ZNF471: variants seen among roughly 807,000 people sequenced by gnomAD.
ZNF471 encodes the protein EZFIT-related protein 1.
ZNF471 carries 7 observed loss-of-function variants against 13.7 expected under a neutral mutation model. The observed-to-expected ratio is 0.51, with a 90% CI of 0.29 to 0.96. ZNF471 has a LOEUF of 0.96. Among genes scored for constraint, ZNF471 ranks in the 40% least tolerant of loss-of-function variants. The pLI is 0.08. For missense variants in ZNF471, 663 were observed against 743.3 expected, an observed-to-expected ratio of 0.89 and a Z score of 1.26; for synonymous variants, 218 against 235.6, an observed-to-expected ratio of 0.93 and a Z score of 0.68.
rs1215384164 is a variant in ZNF471, at chr19:56,524,925, A to T, written c.858A>T (p.Gly286=). ...TTCAGCATCAAAGAATTCATACTGG[A>T]GAAAAACCATATAAATGTAAGGAAT... is the stretch of plus-strand genomic sequence containing the variant. ...HLIQHQRIHT[G]EKPYKCKECR... is the part of the protein sequence containing the mutation. Residue 286 remains glycine (G), a synonymous_variant, in exon 5 of 5, where the codon GGA becomes GGT. Transcript: ENST00000308031. The surrounding 1 kb of genome is among the most constrained non-coding windows in gnomAD (Gnocchi z 4.8). The T allele has an allele frequency of 6.2e-7, 1 of 1,613,868 alleles. No individual in the cohort carries two copies. Among genetic ancestry groups the T allele is most frequent in the East Asian group, 2.2e-5 (1 of 44,888 alleles).
chr19:56,518,346 T>C, intron 3 of ZNF471, 136 bp from the exon 4 acceptor site: 2 of 661,152 alleles, frequency 3.0e-6, no homozygotes, highest in South Asian at 3.7e-5. Flanking sequence ...GAGTTTTATG[T>C]AGTCTGTCCT....
chr19:56,518,654 C>A, intron 4 of ZNF471, 77 bp downstream of exon 4: 1 of 1,208,248 alleles, frequency 8.3e-7, no homozygotes, highest in Non-Finnish European at 1.2e-6. Context: ...TACCTTCTCA[C>A]TTATGCATCT....
At chr19:56,518,770 A>G (rs2043928826) in intron 4 of ZNF471, among the ~76,000 whole-genome samples, 193 bp downstream of exon 4, 1 of 152,192 alleles carries the variant, frequency 6.6e-6, no homozygotes, top group Non-Finnish European at 1.5e-5. Context: ...CTTCTCTCTA[A>G]GAACTAATAT....
At chr19:56,511,368 A>C in intron 1 of ZNF471, 149 bp from the exon 2 acceptor site, 1 of 544,332 alleles carries the variant, frequency 1.8e-6, no homozygotes, top group East Asian at 3.2e-5. Context: ...AAAAACCGTT[A>C]TGAGTTTTAG....
chr19:56,508,343 G>C lies in ZNF471; in HGVS notation c.-56+423G>C, dbSNP rs1259903816. Among the ~76,000 whole-genome samples the C allele has an allele frequency of 6.6e-6, 1 of 151,390 alleles. No homozygotes were observed. The highest frequency in any genetic ancestry group is 2.4e-5 in the African/African-American group (1 of 41,214). ...GTGAGAGACCAGTGAGTGTGAGAGA[G>C]ATAGGGATGTGCCTGCATTTGAAAG... On this transcript the variant is annotated intron_variant, in intron 1 of 4. Transcript: ENST00000308031. The surrounding 1 kb of genome is among the most constrained non-coding windows in gnomAD (Gnocchi z 4.7).
rs959541762 is a variant in ZNF471 at position 56,508,262 on chromosome 19, A to G, written c.-56+342A>G. 1.2e-6 allele frequency: 1 copy of G among 816,130 alleles called. No homozygotes were observed. Among genetic ancestry groups the G allele is most frequent in the Non-Finnish European group, 1.5e-6 (1 of 681,488 alleles). 50.6% of individuals were successfully genotyped at this position (816,130 alleles called of 1,614,324 possible). A position where few individuals can be genotyped will look rare whatever the true frequency, so the allele number is the denominator to read the frequency against. ...GTGTGTGTGTGTGTGTGACAGACCG[A>G]GAGTCCAGTGTGAGACCAGGGTATG... On this transcript the variant is annotated intron_variant, in intron 1 of 4. Coordinates refer to ENST00000308031, the MANE Select transcript of ZNF471 (RefSeq NM_020813.4). The surrounding 1 kb of genome is among the most constrained non-coding windows in gnomAD (Gnocchi z 4.7).
At position 56,508,132 on chromosome 19, in the gene ZNF471, G is replaced by A. The variant is rs970118298; in HGVS notation, c.-56+212G>A. The A allele has an allele frequency of 1.8e-5, 18 of 985,342 alleles. No individual in the cohort carries two copies. The highest frequency in any genetic ancestry group is 3.6e-6 in the Non-Finnish European group (3 of 829,940). The allele number at this position is 985,342 out of a possible 1,614,324, so 61.0% of individuals were successfully genotyped here. ...TGCTGGGCGTTCGGGGCGGCTTGGG[G>A]CGGCGGGACCACTGGAGTGAGCTGT... is the stretch of plus-strand genomic sequence containing the variant. On this transcript the variant is annotated intron_variant, in intron 1 of 4. Coordinates refer to ENST00000308031, the MANE Select transcript of ZNF471 (RefSeq NM_020813.4). This position sits in a 1 kb window ranked among gnomAD's most constrained non-coding sequence, Gnocchi z 4.7.
At chr19:56,514,001 T>C (rs2147908462) in intron 2 of ZNF471, among the ~76,000 whole-genome samples, 1 of 152,082 alleles carries the variant, frequency 6.6e-6, no homozygotes, top group African/African-American at 2.4e-5. Context: ...ATTGATATGT[T>C]ATTAGTAACT....
intron 2 of ZNF471, 124 bp downstream of exon 2, chr19:56,511,728 A>AG: frequency 1.3e-6 from 1 of 754,640 alleles, no homozygotes. Context: ...CACTTCTCTC[A>AG]GGGGCCACTG....
chr19:56,507,910 C>T lies in ZNF471; in HGVS notation c.-66C>T, dbSNP rs140945811. 9 of 985,612 alleles carry T rather than the reference C, an allele frequency of 9.1e-6. No individual in the cohort carries two copies. Among genetic ancestry groups the T allele is most frequent in the Non-Finnish European group, 9.6e-6 (8 of 830,032 alleles). 61.1% of individuals were successfully genotyped at this position (985,612 alleles called of 1,614,324 possible). On this transcript the variant is annotated 5_prime_UTR_variant, in exon 1 of 5. It adds an upstream start codon to the 5' untranslated region. Coordinates refer to ENST00000308031, the MANE Select transcript of ZNF471 (RefSeq NM_020813.4). Reference sequence around the variant, plus strand: ...CGGATGAGAGCGTCTGGGTGCCAGACGAGGCCGGGGGTTTGTTTTGGGTGG... The same window carrying T: ...CGGATGAGAGCGTCTGGGTGCCAGATGAGGCCGGGGGTTTGTTTTGGGTGG...
intron 1 of ZNF471, among the ~76,000 whole-genome samples, chr19:56,509,126 G>C (rs1233769782): frequency 6.6e-6 from 1 of 152,084 alleles, no homozygotes; most frequent in Non-Finnish European, 1.5e-5. Flanking sequence ...GGTAAGGGAT[G>C]GTCACAAGAA....
At position 56,524,999 on chromosome 19, in the gene ZNF471, T is replaced by C. The variant is rs1345417621; in HGVS notation, c.932T>C (p.Ile311Thr). The change falls in exon 5 of 5, where the codon ATT becomes ACT. Residue 311 changes from isoleucine (I) to threonine (T), a missense_variant. Ile to Thr is a moderately conservative substitution (Grantham distance 89, BLOSUM62 -1). Coordinates refer to ENST00000308031, the MANE Select transcript of ZNF471 (RefSeq NM_020813.4). The surrounding 1 kb of genome is among the most constrained non-coding windows in gnomAD (Gnocchi z 4.8). ...GCACACCTTGCTCAGCATCAGAGAA[T>C]TCATACTGGAGAGAAACCCTATGAA... is the stretch of plus-strand genomic sequence containing the variant. The part of the protein sequence containing the change: ...QPAHLAQHQR[I>T]HTGEKPYECK... 1 of 1,614,064 alleles carries C rather than the reference T, an allele frequency of 6.2e-7. No individual in the cohort carries two copies. Among genetic ancestry groups the C allele is most frequent in the Middle Eastern group, 1.6e-4 (1 of 6,062 alleles).
rs1387818591 is a variant in ZNF471, at chr19:56,510,206, CAG to C, written c.-55-1308_-55-1307del. On this transcript the variant is annotated intron_variant, in intron 1 of 4. Transcript: ENST00000308031. The surrounding 1 kb of genome is among the most constrained non-coding windows in gnomAD (Gnocchi z 4.3). The stretch of plus-strand genomic sequence containing the variant: ...ATAAAGCAGTTGGAATATGAGAGAT[CAG>C]AGTGTGTTTGTGTATCTGTGTGAGA... 5.1e-6 allele frequency: 5 copies of C among 985,268 alleles called. No homozygotes were observed. The highest frequency in any genetic ancestry group is 6.0e-6 in the Non-Finnish European group (5 of 830,000). 61.0% of individuals were successfully genotyped at this position (985,268 alleles called of 1,614,324 possible).
Position 56,525,253 on chromosome 19 carries a change from A to G in ZNF471, c.1186A>G (p.Ile396Val). ...CATAGGACTTATTCTGCATAGGAGA[A>G]TTCATACAGGAGAGAAACCTTACAA... Reference protein sequence around the residue: ...VHIGLILHRRIHTGEKPYKCG... With the variant: ...VHIGLILHRRVHTGEKPYKCG... Residue 396 changes from isoleucine to valine, a missense_variant, in exon 5 of 5, where the codon ATT (isoleucine) becomes GTT (valine). Transcript: ENST00000308031. The G allele has an allele frequency of 6.2e-7, 1 of 1,611,834 alleles. No homozygotes were observed. Among genetic ancestry groups the G allele is most frequent in the South Asian group, 1.1e-5 (1 of 90,832 alleles).
At position 56,525,233 on chromosome 19, in the gene ZNF471, G is replaced by C. The variant is rs865792167; in HGVS notation, c.1166G>C (p.Gly389Ala). The change falls in exon 5 of 5, where the codon GGA (glycine) becomes GCA (alanine). Residue 389 changes from glycine to alanine, a missense_variant. Physicochemically the swap from Gly to Ala is moderately conservative, Grantham distance 60. Transcript: ENST00000308031. ...GGGAAAGCCTTCAGTGTTCACATAG[G>C]ACTTATTCTGCATAGGAGAATTCAT... ...DCGKAFSVHI[G>A]LILHRRIHTG... The C allele has an allele frequency of 6.2e-7, 1 of 1,613,716 alleles. No homozygotes were observed. Among genetic ancestry groups the C allele is most frequent in the Non-Finnish European group, 8.5e-7 (1 of 1,179,896 alleles).
At chr19:56,511,643 T>G in intron 2 of ZNF471, 39 bp downstream of exon 2, 2 of 1,532,962 alleles carry the variant, frequency 1.3e-6, no homozygotes, top group Non-Finnish European at 1.8e-6. Flanking sequence ...AAAGGCAGTC[T>G]TGCTGTTTAG....
At position 56,516,504 on chromosome 19, in the gene ZNF471, G is replaced by C; in HGVS notation, c.160+103G>C. 8 of 1,092,658 alleles carry C rather than the reference G, an allele frequency of 7.3e-6. No homozygotes were observed. Among genetic ancestry groups the C allele is most frequent in the Non-Finnish European group, 1.0e-5 (8 of 775,574 alleles). The allele number at this position is 1,092,658 out of a possible 1,614,324, so 67.7% of individuals were successfully genotyped here. ...ATATGTAGGTCAGAATGGAATTTGG[G>C]AATGGAATCTGAGAAACAGAGGATA... On this transcript the variant is annotated intron_variant, in intron 3 of 4. Transcript: ENST00000308031. The surrounding 1 kb of genome is among the most constrained non-coding windows in gnomAD (Gnocchi z 4.4).
rs1287569696 is a variant in ZNF471 at position 56,525,784 on chromosome 19, T to G, written c.1717T>G (p.Cys573Gly). The G allele has an allele frequency of 6.2e-7, 1 of 1,614,138 alleles. No individual in the cohort carries two copies. Residue 573 changes from cysteine to glycine, a missense_variant, in exon 5 of 5, where the codon TGT becomes GGT. By Grantham distance (159) the Cys-to-Gly change is radical. Coordinates refer to ENST00000308031, the MANE Select transcript of ZNF471 (RefSeq NM_020813.4). ...TCATACTGGAGAGAAACCCTATAAA[T>G]GTACTGAATGTGGAAAGGCTTTTAG... ...RIHTGEKPYK[C>G]TECGKAFSDS...
chr19:56,524,349 G>C lies in ZNF471; in HGVS notation c.282G>C (p.Gln94His). 6.3e-7 allele frequency: 1 copy of C among 1,576,574 alleles called. No homozygotes were observed. Among genetic ancestry groups the C allele is most frequent in the South Asian group, 1.2e-5 (1 of 83,796 alleles). The stretch of plus-strand genomic sequence containing the variant: ...ATTGGGAATCTATATATGTGACACA[G>C]GAATTACCTCTGAAGCAGTTCATGT... ...FSDWESIYVT[Q>H]ELPLKQFMYD... Residue 94 changes from glutamine (Q) to histidine (H), a missense_variant, in exon 5 of 5, where the codon CAG becomes CAC. Coordinates refer to ENST00000308031, the MANE Select transcript of ZNF471 (RefSeq NM_020813.4). This position sits in a 1 kb window ranked among gnomAD's most constrained non-coding sequence, Gnocchi z 4.8.
Sources: allele counts gnomAD v4.1 joint callset (sites outside exome capture counted in the v4.1 genomes callset), GRCh38; gene constraint gnomAD v4.1.1; non-coding constraint Gnocchi (gnomAD v3.1); transcripts MANE v1.5; gene names NCBI Gene and HGNC (gene_info 2026-07-23, HGNC 2026-07-21).